Variants in HDAC4 observed in about 807,000 individuals in gnomAD.
HDAC4 encodes the protein histone deacetylase A.
Under a neutral mutation model 135.1 loss-of-function variants are expected in HDAC4, and 16 were observed. The ratio of observed to expected loss-of-function variants is 0.12; its 90% CI spans 0.08 to 0.18. The LOEUF (loss-of-function observed/expected upper bound fraction) is 0.18. Ranked by LOEUF, HDAC4 falls within the 10% of genes least tolerant of loss-of-function variation. The probability of loss-of-function intolerance (pLI) is 1.00; values close to 1 mark genes in which losing one functional copy is unlikely to be tolerated. For missense variants in HDAC4, 1,143 were observed against 1,511.8 expected, an observed-to-expected ratio of 0.76 and a Z score of 4.05; for synonymous variants, 685 against 653.4, an observed-to-expected ratio of 1.05 and a Z score of -0.74.
chr2:239,185,007 T>C (rs2044445206), intron 4 of HDAC4, among the ~76,000 whole-genome samples: 1 of 125,782 alleles, frequency 8.0e-6, no homozygotes, highest in Non-Finnish European at 1.7e-5. Context: ...TATCCCTCAG[T>C]GTCTGCCCTG....
chr2:239,260,314 C>T (rs942453891), intron 2 of HDAC4, among the ~76,000 whole-genome samples: 2 of 152,230 alleles, frequency 1.3e-5, no homozygotes, highest in African/African-American at 2.4e-5. Context: ...GACTCCCTCA[C>T]TCACTAGCTG....
At chr2:239,217,474 TTA>T (rs2046705729) in intron 3 of HDAC4, among the ~76,000 whole-genome samples, 1 of 152,168 alleles carries the variant, frequency 6.6e-6, no homozygotes, top group Admixed American at 6.5e-5. Flanking sequence ...TCTAAATATA[TTA>T]TTTATATGTT....
Position 239,352,554 on chromosome 2 carries a change from C to T in HDAC4, c.22+124G>A. ...TGCACTTTGTGCTGTCAAAAACCAACAGTGACCACTATCAAGAAAAACAAA... is the reference window on the plus strand; with the variant it reads ...TGCACTTTGTGCTGTCAAAAACCAATAGTGACCACTATCAAGAAAAACAAA... On this transcript the variant is annotated intron_variant, in intron 2 of 26. Transcript: ENST00000543185. The surrounding 1 kb of genome is among the most constrained non-coding windows in gnomAD (Gnocchi z 4.4). The T allele has an allele frequency of 2.2e-6, 2 of 900,556 alleles. No homozygotes were observed. The highest frequency in any genetic ancestry group is 3.6e-6 in the Non-Finnish European group (2 of 555,990). The allele number at this position is 900,556 out of a possible 1,614,324, so 55.8% of individuals were successfully genotyped here.
chr2:239,148,019 C>T (rs1046018144), intron 7 of HDAC4, among the ~76,000 whole-genome samples: 4 of 152,192 alleles, frequency 2.6e-5, no homozygotes, highest in African/African-American at 9.7e-5. Flanking sequence ...CAGGCGTGCA[C>T]CTGGCACCAG....
At chr2:239,229,894 C>G (rs2047441324) in intron 3 of HDAC4, among the ~76,000 whole-genome samples, 1 of 152,146 alleles carries the variant, frequency 6.6e-6, no homozygotes, top group African/African-American at 2.4e-5. Context: ...GAAAAAGAGA[C>G]CTGGAAAGGG....
intron 1 of HDAC4, among the ~76,000 whole-genome samples, chr2:239,354,562 ATTTTTTTTTTTTT>A (rs566361037): frequency 1.3e-5 from 1 of 76,534 alleles, no homozygotes; most frequent in Non-Finnish European, 2.3e-5. Flanking sequence ...TAGTCTAGAA[ATTTTTTTTTTTTT>A]TTTTTTTTTT....
intron 14 of HDAC4, among the ~76,000 whole-genome samples, chr2:239,111,321 C>A (rs188150477): frequency 6.8e-4 from 104 of 152,330 alleles, no homozygotes; most frequent in South Asian, 2.3e-3. Context: ...GACAGGTCCC[C>A]AGCATGACAG....
chr2:239,192,490 G>A (rs561963351), intron 3 of HDAC4, among the ~76,000 whole-genome samples: 1 of 152,354 alleles, frequency 6.6e-6, no homozygotes, highest in East Asian at 1.9e-4. Flanking sequence ...AAGGCAGGGA[G>A]GAGAGCTAAG....
chr2:239,258,380 G>A (rs1218625400), intron 2 of HDAC4, among the ~76,000 whole-genome samples: 2 of 143,600 alleles, frequency 1.4e-5, no homozygotes, highest in East Asian at 4.8e-4. Flanking sequence ...AGACACCAGG[G>A]AAAATTGCTG....
chr2:239,267,598 C>T (rs1307330317), intron 2 of HDAC4, among the ~76,000 whole-genome samples: 3 of 152,266 alleles, frequency 2.0e-5, no homozygotes, highest in East Asian at 1.9e-4. Context: ...ACCACAGCTC[C>T]GTGACACTTC....
chr2:239,151,558 T>C (rs904495956), intron 7 of HDAC4, among the ~76,000 whole-genome samples: 1 of 152,188 alleles, frequency 6.6e-6, no homozygotes, highest in African/African-American at 2.4e-5. Flanking sequence ...AGCCTGACCA[T>C]GGAGGCAAGT....
chr2:239,060,550 C>T (rs1051961963), intron 24 of HDAC4, among the ~76,000 whole-genome samples: 7 of 152,202 alleles, frequency 4.6e-5, no homozygotes, highest in African/African-American at 1.7e-4. Context: ...TGCAGAGGGG[C>T]CAGTTTTACC....
intron 3 of HDAC4, among the ~76,000 whole-genome samples, chr2:239,190,613 G>A (rs370926005): frequency 6.6e-6 from 1 of 152,168 alleles, no homozygotes; most frequent in Non-Finnish European, 1.5e-5. Context: ...CTCGAGACCC[G>A]GAGCCCGTTT....
chr2:239,066,222 G>A (rs1303194917), intron 24 of HDAC4, among the ~76,000 whole-genome samples: 1 of 152,212 alleles, frequency 6.6e-6, no homozygotes, highest in Non-Finnish European at 1.5e-5. Flanking sequence ...CCCTCCGGCG[G>A]TGTTGGTAGG....
intron 3 of HDAC4, among the ~76,000 whole-genome samples, chr2:239,221,223 C>T (rs956867511): frequency 5.3e-5 from 8 of 152,240 alleles, no homozygotes; most frequent in Admixed American, 2.6e-4. Context: ...GGGGATGGAG[C>T]GGACATCGGC....
Position 239,306,498 on chromosome 2 carries a change from C to T in HDAC4, c.22+46180G>A, listed in dbSNP as rs769412703. ...AGCTATCCTGTGTCCCATACTCGGC[C>T]CGTAGAGCCATCAAATCATCTGGGC... On this transcript the variant is annotated intron_variant, in intron 2 of 26. Transcript: ENST00000543185. This position sits in a 1 kb window ranked among gnomAD's most constrained non-coding sequence, Gnocchi z 4.5. Among the ~76,000 whole-genome samples the T allele has an allele frequency of 1.3e-5, 2 of 152,178 alleles. No homozygotes were observed. Among genetic ancestry groups the T allele is most frequent in the Non-Finnish European group, 2.9e-5 (2 of 68,034 alleles).
intron 1 of HDAC4, among the ~76,000 whole-genome samples, chr2:239,358,563 G>A (rs934385838): frequency 6.6e-6 from 1 of 152,162 alleles, no homozygotes; most frequent in Admixed American, 6.5e-5. Context: ...GCTGCTGGGC[G>A]ACAGAGCACG....
intron 6 of HDAC4, among the ~76,000 whole-genome samples, chr2:239,162,856 G>T (rs1449449649): frequency 6.6e-6 from 1 of 152,036 alleles, no homozygotes; most frequent in East Asian, 1.9e-4. Context: ...AGCTGTGGGG[G>T]GGTCTCACTA....
intron 2 of HDAC4, among the ~76,000 whole-genome samples, chr2:239,314,334 G>A (rs545483148): frequency 2.6e-5 from 4 of 152,264 alleles, no homozygotes; most frequent in South Asian, 4.2e-4. Flanking sequence ...AAGGACACTC[G>A]ACAAAACAAG....
Sources: allele counts gnomAD v4.1 joint callset (sites outside exome capture counted in the v4.1 genomes callset), GRCh38; gene constraint gnomAD v4.1.1; non-coding constraint Gnocchi (gnomAD v3.1); transcripts MANE v1.5; gene names NCBI Gene and HGNC (gene_info 2026-07-23, HGNC 2026-07-21).